The following UNC5D variants were observed in gnomAD, a reference collection of about 807,000 sequenced individuals.
The protein encoded by UNC5D is unc-5 netrin receptor D.
In UNC5D, 39 loss-of-function variants were observed where a neutral mutation model predicts 105.4. The ratio of observed to expected loss-of-function variants is 0.37; its 90% confidence interval spans 0.29 to 0.48. UNC5D has a LOEUF of 0.48. UNC5D is among the 20% of genes least tolerant of loss of function. UNC5D has a pLI of 0.98. For missense variants in UNC5D, 991 were observed against 1,202.4 expected, an observed-to-expected ratio of 0.82 and a Z score of 2.60; for synonymous variants, 452 against 450.4, an observed-to-expected ratio of 1.00 and a Z score of -0.04.
intron 1 of UNC5D, among the ~76,000 whole-genome samples, chr8:35,429,071 A>G (rs1258805983): frequency 2.0e-5 from 3 of 152,188 alleles, no homozygotes; most frequent in Non-Finnish European, 4.4e-5. Context: ...CATAAAAGTG[A>G]GATCTGCTTG....
chr8:35,602,690 T>G (rs1819976683), intron 4 of UNC5D, among the ~76,000 whole-genome samples: 1 of 152,216 alleles, frequency 6.6e-6, no homozygotes, highest in African/African-American at 2.4e-5. Flanking sequence ...TCTTCTCTTT[T>G]TTCTTCTTTA....
intron 1 of UNC5D, among the ~76,000 whole-genome samples, chr8:35,324,745 A>C (rs560822841): frequency 1.3e-5 from 2 of 152,326 alleles, no homozygotes; most frequent in Admixed American, 1.3e-4. Flanking sequence ...ATTTACTTGG[A>C]TTTTTTGATC....
intron 1 of UNC5D, among the ~76,000 whole-genome samples, chr8:35,387,080 G>T (rs183416835): frequency 7.9e-5 from 12 of 152,134 alleles, no homozygotes; most frequent in Non-Finnish European, 1.6e-4. Flanking sequence ...AGATTCTCAG[G>T]CCGGACGCAG....
At chr8:35,773,017 A>C (rs1484628104) in intron 15 of UNC5D, among the ~76,000 whole-genome samples, 1 of 152,102 alleles carries the variant, frequency 6.6e-6, no homozygotes, top group Non-Finnish European at 1.5e-5. Flanking sequence ...GAAAAGACCT[A>C]TCTCTTCTCA....
chr8:35,585,777 A>T (rs1898828), intron 3 of UNC5D, among the ~76,000 whole-genome samples: 15,725 of 151,422 alleles, frequency 0.1, 865 homozygotes, highest in African/African-American at 0.14. Context: ...ATATATAATA[A>T]TAAGGGGAAT....
chr8:35,782,935 G>A (rs372426862), intron 16 of UNC5D, among the ~76,000 whole-genome samples: 1 of 152,178 alleles, frequency 6.6e-6, no homozygotes, highest in Non-Finnish European at 1.5e-5. Flanking sequence ...GGGAACTCAA[G>A]GTGAGCCCTG....
chr8:35,293,984 AT>A (rs1316101371), intron 1 of UNC5D, among the ~76,000 whole-genome samples: 1 of 152,202 alleles, frequency 6.6e-6, no homozygotes, highest in East Asian at 1.9e-4. Context: ...ATTGTCCAGT[AT>A]TAAAAGAACT....
At position 35,336,079 on chromosome 8, in the gene UNC5D, A is replaced by G. The variant is rs184236918; in HGVS notation, c.103+100192A>G. On this transcript the variant is annotated intron_variant, in intron 1 of 16. Transcript: ENST00000404895. Reference sequence around the variant, plus strand: ...CGCCCGGCCGAGAGATTTCAATTCTAAAAGACTCTATTCACATATTAAAAT... The same window carrying G: ...CGCCCGGCCGAGAGATTTCAATTCTGAAAGACTCTATTCACATATTAAAAT... 2.6e-4 allele frequency among the ~76,000 whole-genome samples: 39 copies of G among 152,222 alleles called. No homozygotes were observed. The East Asian group carries it at 7.4e-3, about 29-fold the overall frequency.
chr8:35,595,404 C>G, intron 3 of UNC5D, 150 bp from the exon 4 acceptor site: 1 of 661,226 alleles, frequency 1.5e-6, no homozygotes. Context: ...AAAAACGATT[C>G]TCTTATTCTA....
At chr8:35,789,314 C>A (rs759020843) in intron 16 of UNC5D, among the ~76,000 whole-genome samples, 1 of 149,414 alleles carries the variant, frequency 6.7e-6, no homozygotes. Flanking sequence ...AACTAGAATG[C>A]AGAGTATATT....
chr8:35,420,265 C>T (rs1275291999), intron 1 of UNC5D, among the ~76,000 whole-genome samples: 2 of 152,060 alleles, frequency 1.3e-5, no homozygotes, highest in Non-Finnish European at 2.9e-5. Context: ...TATTAATATA[C>T]ATACAATTTA....
chr8:35,419,690 A>C (rs1055883211), intron 1 of UNC5D, among the ~76,000 whole-genome samples: 2 of 152,148 alleles, frequency 1.3e-5, no homozygotes, highest in Non-Finnish European at 1.5e-5. Context: ...TAGGACAAAC[A>C]GGGTGGGGTA....
intron 1 of UNC5D, among the ~76,000 whole-genome samples, chr8:35,303,709 T>A (rs1433254877): frequency 6.6e-6 from 1 of 152,160 alleles, no homozygotes; most frequent in Non-Finnish European, 1.5e-5. Context: ...TTGTCCACTG[T>A]GAGGCAGCTT....
At chr8:35,239,223 A>C (rs1332992049) in intron 1 of UNC5D, among the ~76,000 whole-genome samples, 1 of 152,166 alleles carries the variant, frequency 6.6e-6, no homozygotes, top group African/African-American at 2.4e-5. Context: ...GTGGTTCTTT[A>C]AGTAGTACCT....
At chr8:35,654,597 C>G (rs893103159) in intron 4 of UNC5D, among the ~76,000 whole-genome samples, 1 of 152,172 alleles carries the variant, frequency 6.6e-6, no homozygotes, top group African/African-American at 2.4e-5. Flanking sequence ...TTATCACCAG[C>G]CTGGCGATGC....
Position 35,796,282 on chromosome 8 carries a change from G to A in UNC5D, c.*5719G>A, listed in dbSNP as rs867048185. The A allele has an allele frequency of 5.3e-5, 8 of 151,856 alleles. No individual in the cohort carries two copies. Among genetic ancestry groups the A allele is most frequent in the Admixed American group, 1.3e-4 (2 of 15,234 alleles). The allele number at this position is 151,856 out of a possible 1,614,324, so 9.4% of individuals were successfully genotyped here. On this transcript the variant is annotated 3_prime_UTR_variant, in exon 17 of 17. Coordinates refer to ENST00000404895, the MANE Select transcript of UNC5D (RefSeq NM_080872.4). ...GAATGTTGTACAGTAAACTTGGATG[G>A]ACTTCTTAGAAAAGGCTGCACTGGC...
intron 3 of UNC5D, among the ~76,000 whole-genome samples, chr8:35,593,305 G>A (rs903597538): frequency 6.6e-6 from 1 of 152,136 alleles, no homozygotes; most frequent in Non-Finnish European, 1.5e-5. Flanking sequence ...AAAGTAGAAT[G>A]TAAATAGAAA....
chr8:35,336,616 A>G (rs967790693), intron 1 of UNC5D, among the ~76,000 whole-genome samples: 2 of 152,270 alleles, frequency 1.3e-5, no homozygotes, highest in Middle Eastern at 3.4e-3. Flanking sequence ...CATGGGTGAC[A>G]GGGTCAGAGC....
intron 1 of UNC5D, among the ~76,000 whole-genome samples, chr8:35,493,852 A>G (rs1811370017): frequency 6.6e-6 from 1 of 152,180 alleles, no homozygotes; most frequent in South Asian, 2.1e-4. Flanking sequence ...AGGTTATACT[A>G]GAATATACCA....
Sources: gnomAD v4.1 joint callset for allele counts (sites outside exome capture counted in the v4.1 genomes callset) on GRCh38, gnomAD v4.1.1 for gene constraint, MANE v1.5 for transcripts, NCBI Gene and HGNC (gene_info 2026-07-23, HGNC 2026-07-21) for gene names.